The following FAT1 variants were observed in gnomAD, a reference collection of about 807,000 sequenced individuals.
FAT1 encodes the protein protocadherin Fat 1.
In FAT1, 171 loss-of-function variants were observed where a neutral mutation model predicts 329.8. That is an observed-to-expected ratio of 0.52 (90% confidence interval 0.46 to 0.59). The LOEUF (loss-of-function observed/expected upper bound fraction) is 0.59, where lower values mean the gene tolerates loss of function less well. FAT1 is among the 20% of genes least tolerant of loss of function. The pLI is 0.00. For synonymous variants in FAT1, 2,233 were observed against 2,228.6 expected (o/e 1.00, Z -0.06); for missense variants, 5,672 against 5,774.4 (o/e 0.98, Z 0.57).
intron 21 of FAT1, among the ~76,000 whole-genome samples, 200 bp from the exon 22 acceptor site, chr4:186,600,560 C>T (rs1738763875): frequency 6.6e-6 from 1 of 152,190 alleles, no homozygotes; most frequent in Admixed American, 6.6e-5. Flanking sequence ...TTAAAATGCA[C>T]ATCCACAAAG....
chr4:186,597,187 G>A lies in FAT1; in HGVS notation c.12369-16C>T, dbSNP rs768789360. ...ACTCTGACACCTGCCAAGGAAGTCA[G>A]GAATGAGGAGAGACCTCTGTAGCAT... On this transcript the variant is annotated splice_polypyrimidine_tract_variant and intron_variant, in intron 24 of 26. Transcript: ENST00000441802. The A allele has an allele frequency of 5.7e-6, 9 of 1,582,218 alleles. No homozygotes were observed. The highest frequency in any genetic ancestry group is 7.7e-6 in the Non-Finnish European group (9 of 1,164,474).
chr4:186,617,054 A>G lies in FAT1; in HGVS notation c.9026T>C (p.Val3009Ala). Residue 3009 changes from valine to alanine, a missense_variant, in exon 11 of 27, where the codon GTT becomes GCT. Physicochemically the swap from Val to Ala is moderately conservative, Grantham distance 64. Coordinates refer to ENST00000441802, the MANE Select transcript of FAT1 (RefSeq NM_005245.4). ...TDGTFSSKAI[V>A]EVKVLDANDN... ...ATTTGCATCCAGAACTTTCACTTCA[A>G]CTATCGCTTTTGATGAGAAGGTGCC... 1 of 1,613,924 alleles carries G rather than the reference A, an allele frequency of 6.2e-7. No individual in the cohort carries two copies. The highest frequency in any genetic ancestry group is 8.5e-7 in the Non-Finnish European group (1 of 1,179,872).
chr4:186,666,891 T>A (rs976567056), intron 2 of FAT1, among the ~76,000 whole-genome samples: 4 of 152,066 alleles, frequency 2.6e-5, no homozygotes, highest in African/African-American at 7.2e-5. Flanking sequence ...AGAGCTGGAG[T>A]GTGAATACCA....
chr4:186,711,845 G>A (rs1035001261), intron 1 of FAT1, among the ~76,000 whole-genome samples: 4 of 152,098 alleles, frequency 2.6e-5, no homozygotes, highest in Admixed American at 1.3e-4. Context: ...ACTTGAACCC[G>A]GGAGGCAGAG....
At chr4:186,644,791 A>G (rs1741278969) in intron 3 of FAT1, among the ~76,000 whole-genome samples, 1 of 152,266 alleles carries the variant, frequency 6.6e-6, no homozygotes, top group African/African-American at 2.4e-5. Context: ...TAGACGTAAA[A>G]GTGAACATCA....
chr4:186,671,258 C>A (rs1364717980), intron 2 of FAT1, among the ~76,000 whole-genome samples: 2 of 151,582 alleles, frequency 1.3e-5, no homozygotes, highest in Non-Finnish European at 2.9e-5. Context: ...ATGTTAAAGG[C>A]TAAAGATTTA....
intron 22 of FAT1, 123 bp from the exon 23 acceptor site, chr4:186,598,248 C>G (rs1185354623): frequency 9.9e-7 from 1 of 1,007,284 alleles, no homozygotes. Context: ...TTCTCACTCT[C>G]TCTGGGAAAA....
intron 7 of FAT1, among the ~76,000 whole-genome samples, chr4:186,629,765 A>G (rs1740501579): frequency 1.3e-5 from 2 of 152,218 alleles, no homozygotes. Context: ...TTTTAGTTAA[A>G]TAAAACGTAA....
chr4:186,698,066 G>A (rs1744122707), intron 2 of FAT1, among the ~76,000 whole-genome samples: 2 of 152,290 alleles, frequency 1.3e-5, no homozygotes, highest in Admixed American at 6.5e-5. Context: ...AAGAAGCTTC[G>A]CTCAACCTTC....
chr4:186,701,467 G>A (rs1744307175), intron 2 of FAT1, among the ~76,000 whole-genome samples: 1 of 152,148 alleles, frequency 6.6e-6, no homozygotes, highest in Non-Finnish European at 1.5e-5. Flanking sequence ...CTTCAGGGAG[G>A]AGCCAGCAAC....
At chr4:186,643,357 C>CT (rs1474746195) in intron 3 of FAT1, among the ~76,000 whole-genome samples, 1 of 152,162 alleles carries the variant, frequency 6.6e-6, no homozygotes, top group Non-Finnish European at 1.5e-5. Context: ...TTCAGACTGA[C>CT]AAAAACAAAC....
chr4:186,696,488 C>A (rs763152463), intron 2 of FAT1, among the ~76,000 whole-genome samples: 2 of 152,082 alleles, frequency 1.3e-5, no homozygotes, highest in African/African-American at 4.8e-5. Flanking sequence ...AAGATGAACA[C>A]CCCCTGAGCA....
chr4:186,694,703 C>A (rs1030840926), intron 2 of FAT1, among the ~76,000 whole-genome samples: 2 of 152,134 alleles, frequency 1.3e-5, no homozygotes, highest in African/African-American at 4.8e-5. Flanking sequence ...TGGTTCACAC[C>A]AGTAATCCCA....
Position 186,619,239 on chromosome 4 carries a change from G to A in FAT1, c.7347C>T (p.Leu2449=), listed in dbSNP as rs2126503562. 1.2e-6 allele frequency: 2 copies of A among 1,614,010 alleles called. No homozygotes were observed. The highest frequency in any genetic ancestry group is 1.7e-6 in the Non-Finnish European group (2 of 1,179,902). ...VIDSATGIIT[L]SNLHRHALKP... ...TCAGGGCGTGCCGGTGCAGGTTTGA[G>A]AGGGTGATAATCCCTGTTGCACTGT... The change falls in exon 10 of 27, where the codon CTC becomes CTT. Residue 2449 remains leucine (L), a synonymous_variant. Transcript: ENST00000441802.
chr4:186,692,115 A>G (rs758735036), intron 2 of FAT1, among the ~76,000 whole-genome samples: 3 of 152,186 alleles, frequency 2.0e-5, no homozygotes, highest in Non-Finnish European at 4.4e-5. Context: ...AAAATTTCCA[A>G]ACAGAAATAA....
intron 2 of FAT1, among the ~76,000 whole-genome samples, chr4:186,706,019 G>A (rs1465992021): frequency 6.6e-6 from 1 of 152,168 alleles, no homozygotes; most frequent in Non-Finnish European, 1.5e-5. Flanking sequence ...AGTTCAGCAT[G>A]CCACTACCCC....
chr4:186,635,141 T>TA (rs751283150), intron 6 of FAT1, among the ~76,000 whole-genome samples: 2 of 152,306 alleles, frequency 1.3e-5, no homozygotes, highest in Non-Finnish European at 2.9e-5. Context: ...TGGCCTGGCC[T>TA]GACATGCCCA....
At chr4:186,676,290 C>A (rs199600036) in intron 2 of FAT1, among the ~76,000 whole-genome samples, 23,139 of 136,670 alleles carry the variant, frequency 0.17, 2,145 homozygotes, top group East Asian at 0.48. Context: ...AAAAAAAAAA[C>A]AAAAAAAAAC....
At chr4:186,600,597 T>C (rs1007027082) in intron 21 of FAT1, among the ~76,000 whole-genome samples, 1 of 152,244 alleles carries the variant, frequency 6.6e-6, no homozygotes, top group Non-Finnish European at 1.5e-5. Flanking sequence ...AATTAACTAT[T>C]AACTGAACAC....
Sources: gnomAD v4.1 joint callset for allele counts (sites outside exome capture counted in the v4.1 genomes callset) on GRCh38, gnomAD v4.1.1 for gene constraint, MANE v1.5 for transcripts, NCBI Gene and HGNC (gene_info 2026-07-23, HGNC 2026-07-21) for gene names.